The following TM2D2 variants were observed in gnomAD, a reference collection of about 807,000 sequenced individuals.
TM2D2 encodes the protein TM2 domain containing 2.
Under a neutral mutation model 23.0 loss-of-function variants are expected in TM2D2, and 19 were observed. The observed-to-expected ratio is 0.82, with a 90% CI of 0.58 to 1.21. TM2D2 has a LOEUF of 1.21. TM2D2 is among the 50% of genes most tolerant of loss of function. TM2D2 has a pLI of 0.00. For synonymous variants in TM2D2, 120 were observed against 108.8 expected, an observed-to-expected ratio of 1.10 and a Z score of -0.64; for missense variants, 246 against 265.4, an observed-to-expected ratio of 0.93 and a Z score of 0.51.
At chr8:38,996,789 G>T, upstream of TM2D2, 1 of 1,426,086 alleles carries the variant, frequency 7.0e-7, no homozygotes, top group Non-Finnish European at 9.1e-7. Context: ...CTGGCGGGCC[G>T]ACTAGTGCTG....
upstream of TM2D2, chr8:38,996,543 C>G: frequency 2.0e-6 from 3 of 1,507,132 alleles, no homozygotes; most frequent in South Asian, 3.8e-5. Flanking sequence ...GCCCCGCCCG[C>G]GTAGCCCCGC....
At chr8:38,992,892 A>C (rs1431474698) in intron 3 of TM2D2, among the ~76,000 whole-genome samples, 1 of 152,260 alleles carries the variant, frequency 6.6e-6, no homozygotes. Context: ...ACACAGCTGC[A>C]GTTACCCTAA....
intron 2 of TM2D2, chr8:38,994,171 G>C (rs1407497263): frequency 6.6e-6 from 1 of 152,082 alleles, no homozygotes; most frequent in Non-Finnish European, 1.5e-5. Context: ...TCTGACTCAG[G>C]ACTTTATTTA....
At chr8:38,996,700 C>G (rs1835815584), upstream of TM2D2, 5 of 1,422,498 alleles carry the variant, frequency 3.5e-6, no homozygotes, top group Non-Finnish European at 4.6e-6. Flanking sequence ...TTCTTTTGCG[C>G]CGAATGCGTT....
upstream of TM2D2, chr8:38,996,976 C>T: frequency 6.5e-7 from 1 of 1,529,850 alleles, no homozygotes; most frequent in Non-Finnish European, 8.8e-7. Flanking sequence ...CCCGGCCAGA[C>T]TTGGGGCCCC....
chr8:38,993,083 T>A (rs890439581), intron 3 of TM2D2, among the ~76,000 whole-genome samples: 1 of 152,154 alleles, frequency 6.6e-6, no homozygotes, highest in African/African-American at 2.4e-5. Flanking sequence ...TTGTAGGAAT[T>A]TTGGGGCTAG....
chr8:38,996,837 G>C (rs1835821411), upstream of TM2D2: 14 of 1,439,484 alleles, frequency 9.7e-6, no homozygotes, highest in Non-Finnish European at 1.3e-5. Flanking sequence ...TTCTCGCGCC[G>C]GGGACTGGAT....
chr8:38,994,547 C>T (rs1233295558), intron 2 of TM2D2, among the ~76,000 whole-genome samples: 1 of 152,116 alleles, frequency 6.6e-6, no homozygotes, highest in East Asian at 1.9e-4. Context: ...CCCTTTTAGT[C>T]TTATTACTGT....
Position 38,996,473 on chromosome 8 carries a change from A to T in TM2D2, c.-34T>A. The T allele has an allele frequency of 6.2e-7, 1 of 1,612,626 alleles. No individual in the cohort carries two copies. Among genetic ancestry groups the T allele is most frequent in the Non-Finnish European group, 8.5e-7 (1 of 1,179,206 alleles). The stretch of plus-strand genomic sequence containing the variant: ...GCACAGGAGCGGAGACCCGGCCTCA[A>T]CCACAACCCCAGGCCAGCAGCACAG... On this transcript the variant is annotated 5_prime_UTR_variant, in exon 1 of 4. The change creates a new upstream start codon in the 5' untranslated region. Coordinates refer to ENST00000456397, the MANE Select transcript of TM2D2 (RefSeq NM_078473.3).
intron 2 of TM2D2, chr8:38,993,918 CA>C: frequency 3.7e-6 from 1 of 273,896 alleles, no homozygotes; most frequent in Non-Finnish European, 7.0e-6. Flanking sequence ...AAAAAACCCC[CA>C]AACACACTCA....
At chr8:38,995,570 A>G (rs1835745042) in intron 1 of TM2D2, 165 bp from the exon 2 acceptor site, 1 of 1,490,930 alleles carries the variant, frequency 6.7e-7, no homozygotes, top group Non-Finnish European at 8.9e-7. Context: ...GAAGCACAGC[A>G]GGTCAAACGG....
Position 38,993,587 on chromosome 8 carries a change from G to A in TM2D2, c.389C>T (p.Ala130Val). ...QCHALDGIEC[A>V]SPRTFLRENK... ...TTCTCGTAGAAAGGTCCTAGGACTGGCACACTCAATTCCATCTAAGGCATG... is the reference window on the plus strand; with the variant it reads ...TTCTCGTAGAAAGGTCCTAGGACTGACACACTCAATTCCATCTAAGGCATG... The change falls in exon 3 of 4, where the codon GCC becomes GTC. Residue 130 changes from alanine (A) to valine (V), a missense_variant. Physicochemically the swap from Ala to Val is moderately conservative, Grantham distance 64. Transcript: ENST00000456397. 6.2e-7 allele frequency: 1 copy of A among 1,613,774 alleles called. No homozygotes were observed. Among genetic ancestry groups the A allele is most frequent in the Non-Finnish European group, 8.5e-7 (1 of 1,179,758 alleles).
In TM2D2 at chr8:38,991,076, T is replaced by A. The variant is rs1181231008; in HGVS notation, c.*256A>T. ...CATCCACAGCTTGTAAACTCGCCAC[T>A]ATCCTTTATGTTTTGTGCATGAGGA... On this transcript the variant is annotated 3_prime_UTR_variant, in exon 4 of 4. Coordinates refer to ENST00000456397, the MANE Select transcript of TM2D2 (RefSeq NM_078473.3). 3.8e-6 allele frequency: 2 copies of A among 529,574 alleles called. No individual in the cohort carries two copies. The highest frequency in any genetic ancestry group is 6.8e-6 in the Non-Finnish European group (2 of 295,274). 32.8% of individuals were successfully genotyped at this position (529,574 alleles called of 1,614,324 possible).
At chr8:38,996,106 G>A in intron 1 of TM2D2, 107 bp downstream of exon 1, 2 of 1,317,506 alleles carry the variant, frequency 1.5e-6, no homozygotes, top group Non-Finnish European at 2.1e-6. Context: ...CCTCAGAGAG[G>A]CAGGGTCTGA....
chr8:38,994,614 T>G (rs910252476), intron 2 of TM2D2, among the ~76,000 whole-genome samples: 1 of 152,200 alleles, frequency 6.6e-6, no homozygotes, highest in Non-Finnish European at 1.5e-5. Flanking sequence ...ATCATTCTCT[T>G]AACATCTGAC....
At chr8:38,992,273 C>A (rs62504415) in intron 3 of TM2D2, among the ~76,000 whole-genome samples, 2,152 of 131,896 alleles carry the variant, frequency 0.016, 19 homozygotes, top group Middle Eastern at 0.03. Context: ...CCAGGCCAAC[C>A]TAGGCAACAT....
In TM2D2 at chr8:38,991,316, A is replaced by C. The variant is rs1360714626; in HGVS notation, c.*16T>G. 5 of 1,610,466 alleles carry C rather than the reference A, an allele frequency of 3.1e-6. No individual in the cohort carries two copies. Among genetic ancestry groups the C allele is most frequent in the Non-Finnish European group, 4.2e-6 (5 of 1,177,554 alleles). ...GAGCTTTCACCCGCCTCCCTGGGCC[A>C]TGATGGCAGCTCTTCTTAGTAAACA... is the stretch of plus-strand genomic sequence containing the variant. On this transcript the variant is annotated 3_prime_UTR_variant, in exon 4 of 4. Transcript: ENST00000456397.
intron 1 of TM2D2, chr8:38,995,668 C>T: frequency 1.5e-6 from 2 of 1,361,968 alleles, no homozygotes; most frequent in Non-Finnish European, 1.9e-6. Context: ...ATGGTTTCAT[C>T]TCTTCAGTAG....
chr8:38,996,455 A>G lies in TM2D2; in HGVS notation c.-16T>C, dbSNP rs1460945668. ...CTAGCACCATCTTCCCGGGCACAGG[A>G]GCGGAGACCCGGCCTCAACCACAAC... On this transcript the variant is annotated 5_prime_UTR_variant, in exon 1 of 4. Coordinates refer to ENST00000456397, the MANE Select transcript of TM2D2 (RefSeq NM_078473.3). 1 of 1,613,464 alleles carries G rather than the reference A, an allele frequency of 6.2e-7. No homozygotes were observed. The highest frequency in any genetic ancestry group is 2.2e-5 in the East Asian group (1 of 44,872).
Sources: gnomAD v4.1 joint callset for allele counts (sites outside exome capture counted in the v4.1 genomes callset) on GRCh38, gnomAD v4.1.1 for gene constraint, MANE v1.5 for transcripts, NCBI Gene and HGNC (gene_info 2026-07-23, HGNC 2026-07-21) for gene names.